The following CDH16 variants were observed in gnomAD, a reference collection of about 807,000 sequenced individuals.
The protein encoded by CDH16 is cadherin 16.
Under a neutral mutation model 87.6 loss-of-function variants are expected in CDH16, and 79 were observed. The ratio of observed to expected loss-of-function variants is 0.90; its 90% CI spans 0.75 to 1.09. The LOEUF is 1.09. Among genes scored for constraint, CDH16 ranks in the 50% least tolerant of loss-of-function variants. The pLI is 0.00. For missense variants in CDH16, 1,124 were observed against 1,071.7 expected (o/e 1.05, Z -0.68); for synonymous variants, 457 against 439.5 (o/e 1.04, Z -0.50).
chr16:66,916,103 G>A lies in CDH16; in HGVS notation c.386C>T (p.Ala129Val), dbSNP rs777651866. 1.4e-5 allele frequency: 22 copies of A among 1,614,226 alleles called. No individual in the cohort carries two copies. Among genetic ancestry groups the A allele is most frequent in the Non-Finnish European group, 1.8e-5 (21 of 1,180,044 alleles). ...ENDQVPHFSQ[A>V]IYRARLSRGT... ...CCGGCTCAGCCGAGCTCTGTAGATG[G>A]CTTGAGAGAAATGGGGCACCTGGTC... The change falls in exon 5 of 18, where the codon GCC (alanine) becomes GTC (valine). Residue 129 changes from alanine to valine, a missense_variant. Physicochemically the swap from Ala to Val is moderately conservative, Grantham distance 64. Coordinates refer to ENST00000299752, the MANE Select transcript of CDH16 (RefSeq NM_004062.4). The surrounding 1 kb of genome is among the most constrained non-coding windows in gnomAD (Gnocchi z 4.1).
intron 1 of CDH16, among the ~76,000 whole-genome samples, chr16:66,918,525 G>A (rs891108096): frequency 2.6e-5 from 4 of 152,230 alleles, no homozygotes; most frequent in African/African-American, 9.6e-5. Flanking sequence ...TTGACCACAG[G>A]AGGAGTCCTC....
rs370868898 is a variant in CDH16, at chr16:66,911,148, C to G, written c.1924+34G>C. ...GTCTGTCTGTCTGAGGTTTGTACCC[C>G]CTCCCAGGGGCTCCCATCACTGCCT... On this transcript the variant is annotated intron_variant, in intron 14 of 17. Coordinates refer to ENST00000299752, the MANE Select transcript of CDH16 (RefSeq NM_004062.4). 231 of 1,586,052 alleles carry G rather than the reference C, an allele frequency of 1.5e-4. No homozygotes were observed. The African/African-American group carries it at 2.9e-3, about 20-fold the overall frequency.
rs60557147 is a variant in CDH16, at chr16:66,913,121, T to C, written c.1054+10A>G. ...TAGAGACTTCGTCCCTCTCCCATCC[T>C]GTAGCTCACCTGGTGGACTGAGCTC... On this transcript the variant is annotated intron_variant, in intron 9 of 17. Transcript: ENST00000299752. The C allele has an allele frequency of 0.039, 62,537 of 1,602,354 alleles. 2,097 individuals are homozygous for C. The highest frequency in any genetic ancestry group is 0.18 in the East Asian group (8,138 of 44,726).
chr16:66,914,423 G>A lies in CDH16; in HGVS notation c.584-11C>T, dbSNP rs1962586373. On this transcript the variant is annotated splice_polypyrimidine_tract_variant and intron_variant, in intron 6 of 17. Coordinates refer to ENST00000299752, the MANE Select transcript of CDH16 (RefSeq NM_004062.4). Reference sequence around the variant, plus strand: ...CAAGGCTGGTGCTCCCTAGAACAGGGAGGATGGTCAGCTGAGCAGGCAGCC... The same window carrying A: ...CAAGGCTGGTGCTCCCTAGAACAGGAAGGATGGTCAGCTGAGCAGGCAGCC... The A allele has an allele frequency of 6.2e-7, 1 of 1,605,918 alleles. No homozygotes were observed. The highest frequency in any genetic ancestry group is 8.5e-7 in the Non-Finnish European group (1 of 1,173,634).
In CDH16 at chr16:66,911,918, G is replaced by A. The variant is rs752576727; in HGVS notation, c.1771C>T (p.Pro591Ser). Reference sequence around the variant, plus strand: ...GCTCACCTGAGGGTTCGGCTGATGGGGTCGGAGGGCTGGATGGTCAGCAGG... The same window carrying A: ...GCTCACCTGAGGGTTCGGCTGATGGAGTCGGAGGGCTGGATGGTCAGCAGG... ...SFLLTIQPSD[P>S]ISRTLRFSLV... The change falls in exon 13 of 18, where the codon CCC becomes TCC. Residue 591 changes from proline (P) to serine (S), a missense_variant. Physicochemically the swap from Pro to Ser is moderately conservative, Grantham distance 74 (BLOSUM62 -1). Transcript: ENST00000299752. The A allele has an allele frequency of 1.2e-5, 19 of 1,607,090 alleles. No homozygotes were observed. The highest frequency in any genetic ancestry group is 1.7e-5 in the Admixed American group (1 of 59,808).
rs139533607 is a variant in CDH16, at chr16:66,910,048, C to A, written c.2213G>T (p.Arg738Leu). The part of the protein sequence containing the change: ...LTLALHWVEP[R>L]EHIIPVVVSH... ...GACCACCACGGGGATTATGTGTTCA[C>A]GTGGCTCCACCCAATGCAGGGCCAA... The change falls in exon 16 of 18, where the codon CGT becomes CTT. Residue 738 changes from arginine (R) to leucine (L), a missense_variant. Transcript: ENST00000299752. 1.9e-6 allele frequency: 3 copies of A among 1,613,088 alleles called. No homozygotes were observed. The highest frequency in any genetic ancestry group is 1.7e-6 in the Non-Finnish European group (2 of 1,179,470).
Position 66,912,789 on chromosome 16 carries a change from A to G in CDH16, c.1157T>C (p.Val386Ala). 1 of 1,613,502 alleles carries G rather than the reference A, an allele frequency of 6.2e-7. No homozygotes were observed. Among genetic ancestry groups the G allele is most frequent in the Non-Finnish European group, 8.5e-7 (1 of 1,179,958 alleles). The change falls in exon 10 of 18, where the codon GTA (valine) becomes GCA (alanine). Residue 386 changes from valine to alanine, a missense_variant. Physicochemically the swap from Val to Ala is moderately conservative, Grantham distance 64. Coordinates refer to ENST00000299752, the MANE Select transcript of CDH16 (RefSeq NM_004062.4). ...QLLSPEPEDG[V>A]EGRAFQVDPT... The stretch of plus-strand genomic sequence containing the variant: ...GTCCACCTGGAAGGCTCTCCCCTCT[A>G]CCCCATCCTCAGGCTCAGGGCTCAG...
chr16:66,917,218 G>T (rs1171082553), intron 3 of CDH16, among the ~76,000 whole-genome samples: 2 of 151,906 alleles, frequency 1.3e-5, no homozygotes, highest in Non-Finnish European at 2.9e-5. Context: ...AGAATCTCTT[G>T]AACCCAGGAC....
rs943539449 is a variant in CDH16 at position 66,916,056 on chromosome 16, G to T, written c.424+9C>A. 6.2e-7 allele frequency: 1 copy of T among 1,614,102 alleles called. No individual in the cohort carries two copies. Among genetic ancestry groups the T allele is most frequent in the Non-Finnish European group, 8.5e-7 (1 of 1,180,036 alleles). On this transcript the variant is annotated intron_variant, in intron 5 of 17. Coordinates refer to ENST00000299752, the MANE Select transcript of CDH16 (RefSeq NM_004062.4). The surrounding 1 kb of genome is among the most constrained non-coding windows in gnomAD (Gnocchi z 4.1). Reference sequence around the variant, plus strand: ...ACCTTACTGTAAATTGGCTGCCCTGGTCACTCACCAGGCCTGGTACCCCGG... The same window carrying T: ...ACCTTACTGTAAATTGGCTGCCCTGTTCACTCACCAGGCCTGGTACCCCGG...
chr16:66,911,981 C>G lies in CDH16; in HGVS notation c.1708G>C (p.Glu570Gln). Residue 570 changes from glutamate to glutamine, a missense_variant, in exon 13 of 18, where the codon GAG becomes CAG. By Grantham distance (29) the Glu-to-Gln change is conservative. Transcript: ENST00000299752. ...PPPKLDQESY[E>Q]ASVPISAPAG... ...GGGGCACTGATGGGGACACTGGCCTCGTAGCTCTCCTGGTCCAACTTGGGG... is the reference window on the plus strand; with the variant it reads ...GGGGCACTGATGGGGACACTGGCCTGGTAGCTCTCCTGGTCCAACTTGGGG... The G allele has an allele frequency of 6.2e-7, 1 of 1,614,130 alleles. No homozygotes were observed. The highest frequency in any genetic ancestry group is 8.5e-7 in the Non-Finnish European group (1 of 1,180,010).
At chr16:66,914,152 T>G in intron 7 of CDH16, 64 bp downstream of exon 7, 27 of 1,405,078 alleles carry the variant, frequency 1.9e-5, no homozygotes, top group Non-Finnish European at 2.5e-5. Context: ...CAAATATCCA[T>G]GAGACTCGGG....
Position 66,911,245 on chromosome 16 carries a change from G to C in CDH16, c.1861C>G (p.Gln621Glu). ...CCAGGCTGGGCGCCCTGCAGGGACTGGGCGGTGTGCACCTCCCCGGAGAAT... is the reference window on the plus strand; with the variant it reads ...CCAGGCTGGGCGCCCTGCAGGGACTCGGCGGTGTGCACCTCCCCGGAGAAT... The part of the protein sequence containing the change: ...EKFSGEVHTA[Q>E]SLQGAQPGDT... The change falls in exon 14 of 18, where the codon CAG becomes GAG. Residue 621 changes from glutamine to glutamate, a missense_variant. Transcript: ENST00000299752. The C allele has an allele frequency of 1.2e-6, 2 of 1,613,688 alleles. No individual in the cohort carries two copies. Among genetic ancestry groups the C allele is most frequent in the Non-Finnish European group, 1.7e-6 (2 of 1,179,862 alleles).
At position 66,917,637 on chromosome 16, in the gene CDH16, CTCACCTTGG is replaced by C. The variant is rs1567537691; in HGVS notation, c.125_129+4del. 6.2e-7 allele frequency: 1 copy of C among 1,610,044 alleles called. No individual in the cohort carries two copies. The highest frequency in any genetic ancestry group is 1.7e-5 in the Admixed American group (1 of 59,818). ...CCCGGCCCCAACCCCAGCTCTCCGG[CTCACCTTGG>C]TCAGGTATAAAGGGAAATTTCCACC... On this transcript the variant is annotated splice_donor_variant and splice_donor_region_variant and coding_sequence_variant and intron_variant, in exon 3 of 18. Transcript: ENST00000299752. LOFTEE classifies it high-confidence loss of function.
intron 13 of CDH16, 52 bp downstream of exon 13, chr16:66,911,847 C>T: frequency 5.2e-6 from 8 of 1,525,490 alleles, no homozygotes. Context: ...GGGGTCATCC[C>T]CAGGGAGCAG....
At position 66,908,201 on chromosome 16, in the gene CDH16, G is replaced by A. The variant is rs1269091427; in HGVS notation, c.*191C>T. ...ACCCTGACATTTGGAGCACTCCCATGGGCAGTCCATAAAGTTGGTGTCCAG... is the reference window on the plus strand; with the variant it reads ...ACCCTGACATTTGGAGCACTCCCATAGGCAGTCCATAAAGTTGGTGTCCAG... On this transcript the variant is annotated 3_prime_UTR_variant, in exon 18 of 18. Transcript: ENST00000299752. The A allele has an allele frequency of 1.7e-6, 1 of 598,786 alleles. No homozygotes were observed. Among genetic ancestry groups the A allele is most frequent in the African/African-American group, 1.9e-5 (1 of 54,024 alleles). 37.1% of individuals were successfully genotyped at this position (598,786 alleles called of 1,614,324 possible). A position where few individuals can be genotyped will look rare whatever the true frequency, so the allele number is the denominator to read the frequency against.
In CDH16 at chr16:66,911,927, G is replaced by A. The variant is rs1434338012; in HGVS notation, c.1762C>T (p.Pro588Ser). ...AGGGTTCGGCTGATGGGGTCGGAGG[G>A]CTGGATGGTCAGCAGGAAAGAGCCG... ...PAGSFLLTIQ[P>S]SDPISRTLRF... The change falls in exon 13 of 18, where the codon CCC (proline) becomes TCC (serine). Residue 588 changes from proline (P) to serine (S), a missense_variant. By Grantham distance (74) the Pro-to-Ser change is moderately conservative (BLOSUM62 -1). Transcript: ENST00000299752. 6.2e-7 allele frequency: 1 copy of A among 1,610,424 alleles called. No individual in the cohort carries two copies. The highest frequency in any genetic ancestry group is 1.7e-5 in the Admixed American group (1 of 59,904).
rs535174160 is a variant in CDH16, at chr16:66,915,382, G to C, written c.425-4C>G. The C allele has an allele frequency of 1.9e-6, 3 of 1,613,574 alleles. No individual in the cohort carries two copies. Among genetic ancestry groups the C allele is most frequent in the Non-Finnish European group, 2.5e-6 (3 of 1,179,764 alleles). ...TCAAGGAAGAGGAAGGGGATGCCTG[G>C]TTCACGGTGGGAGGGCAAACTGTAA... is the stretch of plus-strand genomic sequence containing the variant. On this transcript the variant is annotated splice_polypyrimidine_tract_variant and splice_region_variant and intron_variant, in intron 5 of 17. Transcript: ENST00000299752.
chr16:66,912,705 A>G lies in CDH16; in HGVS notation c.1241T>C (p.Leu414Pro). The G allele has an allele frequency of 1.2e-6, 2 of 1,613,860 alleles. No homozygotes were observed. The highest frequency in any genetic ancestry group is 8.5e-7 in the Non-Finnish European group (1 of 1,180,040). The change falls in exon 10 of 18, where the codon CTG becomes CCG. Residue 414 changes from leucine to proline, a missense_variant. By Grantham distance (98) the Leu-to-Pro change is moderately conservative. Transcript: ENST00000299752. ...CAGGTCCATGGCCAGCACCAGAAGCAGGATGTTCTGGCCTGCTCGGAGTGG... is the reference window on the plus strand; with the variant it reads ...CAGGTCCATGGCCAGCACCAGAAGCGGGATGTTCTGGCCTGCTCGGAGTGG... ...VLPLRAGQNILLLVLAMDLAG... is the reference protein window; with the variant it reads ...VLPLRAGQNIPLLVLAMDLAG...
At chr16:66,917,847 G>A (rs775840315) in intron 2 of CDH16, 122 bp from the exon 3 acceptor site, 49 of 1,013,354 alleles carry the variant, frequency 4.8e-5, no homozygotes, top group Admixed American at 1.4e-4. Context: ...CCATCCACCC[G>A]CGCTCTGGTC....
Sources: allele counts gnomAD v4.1 joint callset (sites outside exome capture counted in the v4.1 genomes callset), GRCh38; gene constraint gnomAD v4.1.1; non-coding constraint Gnocchi (gnomAD v3.1); transcripts MANE v1.5; gene names NCBI Gene and HGNC (gene_info 2026-07-23, HGNC 2026-07-21).